The following PRMT9 variants were observed in gnomAD, a reference collection of about 807,000 sequenced individuals.
PRMT9 encodes protein arginine methyltransferase 9.
Under a neutral mutation model 83.2 loss-of-function variants are expected in PRMT9, and 59 were observed. That is an observed-to-expected ratio of 0.71 (90% confidence interval 0.57 to 0.88). The LOEUF (loss-of-function observed/expected upper bound fraction) is 0.88. Ranked by LOEUF, PRMT9 falls within the 40% of genes least tolerant of loss-of-function variation. The pLI is 0.00. For synonymous variants in PRMT9, 333 were observed against 353.2 expected (o/e 0.94, Z 0.64); for missense variants, 947 against 1,021.9 (o/e 0.93, Z 1.00).
intron 1 of PRMT9, among the ~76,000 whole-genome samples, chr4:147,681,565 T>C (rs1736470545): frequency 1.3e-5 from 2 of 152,120 alleles, no homozygotes; most frequent in African/African-American, 4.8e-5. Context: ...GGCAGGCAGA[T>C]CACCTGAGGT....
At chr4:147,659,927 C>T (rs1305860772) in intron 7 of PRMT9, among the ~76,000 whole-genome samples, 1 of 152,130 alleles carries the variant, frequency 6.6e-6, no homozygotes, top group African/African-American at 2.4e-5. Flanking sequence ...CACTAACACA[C>T]ACACTAGAGT....
intron 9 of PRMT9, among the ~76,000 whole-genome samples, chr4:147,651,886 C>G (rs1167904314): frequency 1.3e-5 from 2 of 152,040 alleles, no homozygotes; most frequent in African/African-American, 4.8e-5. Flanking sequence ...TGAAAGAGCT[C>G]TGGAGATAAT....
At chr4:147,659,729 C>A (rs1734818804) in intron 7 of PRMT9, among the ~76,000 whole-genome samples, 1 of 151,888 alleles carries the variant, frequency 6.6e-6, no homozygotes, top group African/African-American at 2.4e-5. Flanking sequence ...AGGCACCCGC[C>A]ACCACACCCA....
chr4:147,650,013 A>G (rs1324360501), intron 9 of PRMT9, among the ~76,000 whole-genome samples: 2 of 152,246 alleles, frequency 1.3e-5, no homozygotes, highest in East Asian at 3.8e-4. Context: ...CTAGGAATAG[A>G]AGGAAACTAC....
chr4:147,671,878 G>A (rs1211170262), intron 4 of PRMT9: 3 of 456,000 alleles, frequency 6.6e-6, no homozygotes, highest in East Asian at 6.9e-5. Context: ...CCTTAACCCC[G>A]AAACTGACTA....
intron 4 of PRMT9, among the ~76,000 whole-genome samples, chr4:147,672,662 A>T (rs1266383648): frequency 1.3e-5 from 2 of 152,256 alleles, no homozygotes; most frequent in African/African-American, 4.8e-5. Context: ...TTGACCACAC[A>T]GGATGAATTA....
Position 147,673,640 on chromosome 4 carries a change from T to C in PRMT9, c.573A>G (p.Leu191=), listed in dbSNP as rs1457020047. 7.6e-6 allele frequency: 12 copies of C among 1,579,068 alleles called. No homozygotes were observed. Among genetic ancestry groups the C allele is most frequent in the Non-Finnish European group, 8.7e-6 (10 of 1,148,028 alleles). ...VLDIGAGTGI[L]SMFAKKAGAH... ...ATTAAAATGCAATTACTACCAACCT[T>C]AGTATTCCAGTTCCTGCTCCAATGT... is the stretch of plus-strand genomic sequence containing the variant. Residue 191 remains leucine, a splice_region_variant and synonymous_variant, in exon 3 of 12, where the codon CTA becomes CTG. Coordinates refer to ENST00000322396, the MANE Select transcript of PRMT9 (RefSeq NM_138364.4).
Position 147,665,117 on chromosome 4 carries a change from G to A in PRMT9, c.953+3422C>T, listed in dbSNP as rs935743165. ...GCCTGGGAAACAAGAGCGAAACTCTGTCTAAACAAAAAAAAAAAAAAAAAA... is the reference window on the plus strand; with the variant it reads ...GCCTGGGAAACAAGAGCGAAACTCTATCTAAACAAAAAAAAAAAAAAAAAA... On this transcript the variant is annotated intron_variant, in intron 6 of 11. Coordinates refer to ENST00000322396, the MANE Select transcript of PRMT9 (RefSeq NM_138364.4). Among the ~76,000 whole-genome samples the A allele has an allele frequency of 2.1e-4, 12 of 57,972 alleles. No individual in the cohort carries two copies. The East Asian group carries it at 6.0e-3, about 29-fold the overall frequency. The allele number at this position is 57,972 out of a possible 152,430, so 38.0% of individuals were successfully genotyped here.
intron 9 of PRMT9, among the ~76,000 whole-genome samples, chr4:147,643,197 G>A (rs1375011066): frequency 6.6e-6 from 1 of 152,014 alleles, no homozygotes; most frequent in African/African-American, 2.4e-5. Flanking sequence ...AATCCAAGAG[G>A]TAGCAGTTGC....
At chr4:147,645,486 T>C (rs1362017576) in intron 9 of PRMT9, among the ~76,000 whole-genome samples, 1 of 152,212 alleles carries the variant, frequency 6.6e-6, no homozygotes, top group African/African-American at 2.4e-5. Flanking sequence ...ATGTGAAATA[T>C]CCTGAGTGAT....
At chr4:147,658,241 T>C (rs189972678) in intron 7 of PRMT9, among the ~76,000 whole-genome samples, 1 of 151,334 alleles carries the variant, frequency 6.6e-6, no homozygotes, top group East Asian at 1.9e-4. Context: ...ATTGTTGAAT[T>C]GAAAAGGTTA....
At chr4:147,660,755 A>C (rs1282454455) in intron 7 of PRMT9, 91 bp downstream of exon 7, 1 of 791,482 alleles carries the variant, frequency 1.3e-6, no homozygotes, top group Non-Finnish European at 2.1e-6. Flanking sequence ...TCTTCATGCA[A>C]ACTCATAAAA....
At chr4:147,683,732 T>TTA in intron 1 of PRMT9, 67 bp downstream of exon 1, 1 of 1,092,508 alleles carries the variant, frequency 9.2e-7, no homozygotes, top group Non-Finnish European at 1.3e-6. Context: ...TTTTTTTTTT[T>TTA]CTGTTTTTTT....
intron 6 of PRMT9, among the ~76,000 whole-genome samples, chr4:147,666,823 TAAAAAA>T (rs67002013): frequency 1.7e-4 from 22 of 126,456 alleles, no homozygotes; most frequent in Middle Eastern, 7.8e-3. Context: ...GAACTTTGTT[TAAAAAA>T]AAAAAAAAAA....
chr4:147,643,931 G>T (rs1318008781), intron 9 of PRMT9, among the ~76,000 whole-genome samples: 1 of 152,142 alleles, frequency 6.6e-6, no homozygotes, highest in Admixed American at 6.6e-5. Context: ...GGTCCACATT[G>T]CAGTGACAGT....
intron 9 of PRMT9, among the ~76,000 whole-genome samples, chr4:147,650,898 C>G (rs1047949029): frequency 6.6e-6 from 1 of 152,102 alleles, no homozygotes; most frequent in South Asian, 2.1e-4. Flanking sequence ...GTCAGGAGAT[C>G]GAGACCATCC....
chr4:147,683,000 A>G lies in PRMT9; in HGVS notation c.189+799T>C, dbSNP rs113998285. ...GTCTAAATGAAGCAAAGTAATTGCAATTTTAAGTTAAATCATTTTTCGTAA... is the reference window on the plus strand; with the variant it reads ...GTCTAAATGAAGCAAAGTAATTGCAGTTTTAAGTTAAATCATTTTTCGTAA... On this transcript the variant is annotated intron_variant, in intron 1 of 11. Coordinates refer to ENST00000322396, the MANE Select transcript of PRMT9 (RefSeq NM_138364.4). Among the ~76,000 whole-genome samples, 1,033 of 152,354 alleles carry G rather than the reference A, an allele frequency of 6.8e-3. 9 individuals are homozygous for G. Among genetic ancestry groups the G allele is most frequent in the African/African-American group, 0.024 (978 of 41,586 alleles).
chr4:147,647,737 A>C (rs1733824274), intron 9 of PRMT9, among the ~76,000 whole-genome samples: 1 of 151,818 alleles, frequency 6.6e-6, no homozygotes, highest in South Asian at 2.1e-4. Context: ...TGGCCAGGCT[A>C]GTCTCAAACT....
chr4:147,657,709 CA>C, intron 8 of PRMT9, 82 bp downstream of exon 8: 1 of 1,065,370 alleles, frequency 9.4e-7, no homozygotes. Flanking sequence ...CCTTCATATC[CA>C]AAGTAATTTT....
Sources: gnomAD v4.1 joint callset for allele counts (sites outside exome capture counted in the v4.1 genomes callset) on GRCh38, gnomAD v4.1.1 for gene constraint, MANE v1.5 for transcripts, NCBI Gene and HGNC (gene_info 2026-07-23, HGNC 2026-07-21) for gene names.